The following TTC3 variants were observed in gnomAD, a reference collection of about 807,000 sequenced individuals.
The protein encoded by TTC3 is E3 ubiquitin-protein ligase TTC3.
A neutral mutation model predicts 249.6 loss-of-function variants in TTC3; 180 were observed. That is an observed-to-expected ratio of 0.72 (90% CI 0.64 to 0.82). The LOEUF is 0.82. TTC3 is among the 40% of genes least tolerant of loss of function. The pLI is 0.00. For missense variants in TTC3, 2,061 were observed against 2,398.4 expected (o/e 0.86, Z 2.94); for synonymous variants, 717 against 805.0 (o/e 0.89, Z 1.85).
chr21:37,124,648 C>T, exon 14 of TTC3: 1 of 1,612,718 alleles, frequency 6.2e-7, no homozygotes. Flanking sequence ...TTATCAGCAC[C>T]TATATTTACT....
At chr21:37,116,043 G>A (rs1422262949) in intron 11 of TTC3, among the ~76,000 whole-genome samples, 1 of 152,114 alleles carries the variant, frequency 6.6e-6, no homozygotes, top group Non-Finnish European at 1.5e-5. Flanking sequence ...GCTATTGTGT[G>A]TCTTCCAGTA....
intron 1 of TTC3, among the ~76,000 whole-genome samples, chr21:37,084,824 C>T (rs2072207603): frequency 6.6e-6 from 1 of 152,168 alleles, no homozygotes; most frequent in Non-Finnish European, 1.5e-5. Flanking sequence ...GAAATCCTGT[C>T]TCTACTAAAA....
At chr21:37,107,286 T>C (rs2075176808) in intron 10 of TTC3, among the ~76,000 whole-genome samples, 1 of 152,160 alleles carries the variant, frequency 6.6e-6, no homozygotes, top group African/African-American at 2.4e-5. Flanking sequence ...ATAGGAACAA[T>C]TGAACAAGTT....
chr21:37,161,826 C>G (rs968274715), intron 30 of TTC3, among the ~76,000 whole-genome samples, 164 bp from the exon 31 acceptor site: 4 of 152,100 alleles, frequency 2.6e-5, no homozygotes, highest in Non-Finnish European at 4.4e-5. Flanking sequence ...GCTGTTGAAA[C>G]TTTTATTACT....
At chr21:37,113,861 C>T (rs2075891863) in intron 11 of TTC3, among the ~76,000 whole-genome samples, 1 of 152,110 alleles carries the variant, frequency 6.6e-6, no homozygotes, top group Non-Finnish European at 1.5e-5. Context: ...TGGAACAGAA[C>T]AGAGCCCTCA....
chr21:37,167,455 GA>G, intron 33 of TTC3, 99 bp from the exon 34 acceptor site: 1 of 828,682 alleles, frequency 1.2e-6, no homozygotes. Context: ...AAAAAAACTT[GA>G]AAAAATTGTG....
At position 37,124,505 on chromosome 21, in the gene TTC3, T is replaced by C. The variant is rs563277305; in HGVS notation, c.1110-114T>C. The C allele has an allele frequency of 4.3e-6, 5 of 1,175,752 alleles. 1 individual carries two copies. Among genetic ancestry groups the C allele is most frequent in the Admixed American group, 5.2e-5 (2 of 38,570 alleles). 72.8% of individuals were successfully genotyped at this position (1,175,752 alleles called of 1,614,324 possible). A position where few individuals can be genotyped will look rare whatever the true frequency, so the allele number is the denominator to read the frequency against. Reference sequence around the variant, plus strand: ...CCCCATCTCACAGGTAGGAAATCTTTTTAAAACAATAATACCTTGCTTTCA... The same window carrying C: ...CCCCATCTCACAGGTAGGAAATCTTCTTAAAACAATAATACCTTGCTTTCA... On this transcript the variant is annotated intron_variant, in intron 13 of 45. Transcript: ENST00000355666.
At chr21:37,186,672 C>G (rs1222493445) in intron 37 of TTC3, among the ~76,000 whole-genome samples, 1 of 152,226 alleles carries the variant, frequency 6.6e-6, no homozygotes, top group African/African-American at 2.4e-5. Flanking sequence ...AGCGATCCGC[C>G]TGCCTTGGCC....
chr21:37,114,929 G>A (rs1432099456), intron 11 of TTC3, among the ~76,000 whole-genome samples: 185 of 151,866 alleles, frequency 1.2e-3, no homozygotes, highest in African/African-American at 4.1e-3. Context: ...AACTGTTGCA[G>A]GGACAAAAAA....
At chr21:37,153,540 T>G (rs1228354748) in intron 27 of TTC3, among the ~76,000 whole-genome samples, 1 of 152,070 alleles carries the variant, frequency 6.6e-6, no homozygotes, top group African/African-American at 2.4e-5. Flanking sequence ...ACTAAATATA[T>G]GAAGGCCTTT....
At chr21:37,145,891 C>G (rs978562831) in intron 21 of TTC3, among the ~76,000 whole-genome samples, 1 of 152,150 alleles carries the variant, frequency 6.6e-6, no homozygotes, top group African/African-American at 2.4e-5. Context: ...ATGAGAGATT[C>G]GTCGCCATGA....
chr21:37,201,597 C>T, exon 46 of TTC3: 1 of 1,601,526 alleles, frequency 6.2e-7, no homozygotes, highest in East Asian at 2.2e-5. Flanking sequence ...AAAGTGTCAT[C>T]CACCAGTGTG....
chr21:37,171,163 G>A (rs2081745963), intron 34 of TTC3, among the ~76,000 whole-genome samples: 1 of 152,178 alleles, frequency 6.6e-6, no homozygotes, highest in Non-Finnish European at 1.5e-5. Context: ...GTTTACTGTT[G>A]TTGAAGTCTT....
At chr21:37,115,174 T>TATA (rs1246754731) in intron 11 of TTC3, among the ~76,000 whole-genome samples, 58,146 of 144,348 alleles carry the variant, frequency 0.4, 12,092 homozygotes, top group East Asian at 0.53. Flanking sequence ...AAACTTAAAG[T>TATA]ATAATAATAA....
At chr21:37,200,241 G>T (rs969365900) in exon 45 of TTC3, 1 of 1,614,022 alleles carries the variant, frequency 6.2e-7, no homozygotes, top group African/African-American at 1.3e-5. Context: ...GGCACTGGGT[G>T]CAAGTTCCTG....
At chr21:37,124,112 CTTTTTTTTTTT>C (rs60916518) in intron 13 of TTC3, among the ~76,000 whole-genome samples, 11 of 61,272 alleles carry the variant, frequency 1.8e-4, no homozygotes, top group African/African-American at 3.5e-4. Context: ...TTGAACTGTT[CTTTTTTTTTTT>C]TTTTTTTTTT....
chr21:37,201,489 G>A (rs1466967414), exon 46 of TTC3: 2 of 1,614,014 alleles, frequency 1.2e-6, no homozygotes, highest in Middle Eastern at 1.7e-4. Context: ...GCCTGCCAGG[G>A]TCGTGATCTC....
At chr21:37,099,839 T>G (rs1245173882) in intron 10 of TTC3, among the ~76,000 whole-genome samples, 1 of 152,230 alleles carries the variant, frequency 6.6e-6, no homozygotes, top group African/African-American at 2.4e-5. Context: ...CATGCCTTCA[T>G]GATAGCATTG....
At chr21:37,160,935 C>T in intron 30 of TTC3, 77 bp downstream of exon 30, 1 of 1,384,264 alleles carries the variant, frequency 7.2e-7, no homozygotes, top group Non-Finnish European at 9.9e-7. Flanking sequence ...TAGAATTGAG[C>T]AATTCTTGGG....
Sources: allele counts gnomAD v4.1 joint callset (sites outside exome capture counted in the v4.1 genomes callset), GRCh38; gene constraint gnomAD v4.1.1; transcripts MANE v1.5; gene names NCBI Gene and HGNC (gene_info 2026-07-23, HGNC 2026-07-21).